Variants in PTPRN2 observed in about 807,000 individuals in gnomAD.
The protein encoded by PTPRN2 is receptor-type tyrosine-protein phosphatase N2.
In PTPRN2, 74 loss-of-function variants were observed where a neutral mutation model predicts 118.8. The ratio of observed to expected loss-of-function variants is 0.62; its 90% confidence interval spans 0.52 to 0.76. The LOEUF (loss-of-function observed/expected upper bound fraction) is 0.76. PTPRN2 is among the 30% of genes least tolerant of loss of function. The pLI, the probability that PTPRN2 is intolerant of heterozygous loss-of-function variation, is 0.00. For synonymous variants in PTPRN2, 641 were observed against 608.0 expected, an observed-to-expected ratio of 1.05 and a Z score of -0.80; for missense variants, 1,481 against 1,394.4, an observed-to-expected ratio of 1.06 and a Z score of -0.99.
At chr7:157,920,495 GTCC>G (rs1162192062) in intron 11 of PTPRN2, among the ~76,000 whole-genome samples, 1 of 152,192 alleles carries the variant, frequency 6.6e-6, no homozygotes, top group African/African-American at 2.4e-5. Context: ...TTGTCTGAAC[GTCC>G]TGCCTGCTTC....
At chr7:158,151,460 A>C (rs71544541) in intron 6 of PTPRN2, among the ~76,000 whole-genome samples, 3 of 115,084 alleles carry the variant, frequency 2.6e-5, no homozygotes, top group Non-Finnish European at 1.8e-5. Context: ...TGCCCACACC[A>C]CCCGCCTTTC....
rs558104862 is a variant in PTPRN2 at position 158,474,310 on chromosome 7, G to GT, written c.163+15424dup. ...CCCCAGGACCTCTGGAAAACACTGC[G>GT]TGTAACTGGCACCCCGAGTCAACTT... On this transcript the variant is annotated intron_variant, in intron 2 of 22. Coordinates refer to ENST00000389418, the MANE Select transcript of PTPRN2 (RefSeq NM_002847.5). 4.3e-4 allele frequency among the ~76,000 whole-genome samples: 65 copies of GT among 152,358 alleles called. No homozygotes were observed. In the East Asian group the frequency reaches 8.3e-3, roughly 19 times the overall value.
intron 3 of PTPRN2, among the ~76,000 whole-genome samples, chr7:158,304,997 GGGC>G (rs1383530670): frequency 1.3e-5 from 2 of 152,174 alleles, no homozygotes; most frequent in Non-Finnish European, 2.9e-5. Context: ...ATTTCTTTCA[GGGC>G]CTGCAATCTG....
rs370449907 is a variant in PTPRN2 at position 157,611,674 on chromosome 7, C to A, written c.2345-7599G>T. Among the ~76,000 whole-genome samples, 101 of 152,208 alleles carry A rather than the reference C, an allele frequency of 6.6e-4. No individual in the cohort carries two copies. The highest frequency in any genetic ancestry group is 8.8e-4 in the Non-Finnish European group (60 of 68,020). ...CTGTTAGGAAGAAGGACTCTGCACA[C>A]CCACACGGGAGGGAGAGCGCCCGTG... On this transcript the variant is annotated intron_variant, in intron 15 of 22. Coordinates refer to ENST00000389418, the MANE Select transcript of PTPRN2 (RefSeq NM_002847.5). This position sits in a 1 kb window ranked among gnomAD's most constrained non-coding sequence, Gnocchi z 5.9.
rs1801813414 is a variant in PTPRN2, at chr7:157,964,928, G to T, written c.1724-66191C>A. Among the ~76,000 whole-genome samples, 1 of 152,240 alleles carries T rather than the reference G, an allele frequency of 6.6e-6. No individual in the cohort carries two copies. Among genetic ancestry groups the T allele is most frequent in the Non-Finnish European group, 1.5e-5 (1 of 68,038 alleles). ...TCAGTTGGGCCATGGTATAATTTATGTTCAACAGAGACCTTTGGGAGTGAG... is the reference window on the plus strand; with the variant it reads ...TCAGTTGGGCCATGGTATAATTTATTTTCAACAGAGACCTTTGGGAGTGAG... On this transcript the variant is annotated intron_variant, in intron 11 of 22. Coordinates refer to ENST00000389418, the MANE Select transcript of PTPRN2 (RefSeq NM_002847.5). The surrounding 1 kb of genome is among the most constrained non-coding windows in gnomAD (Gnocchi z 9.0).
chr7:157,765,110 C>T (rs749863465), intron 12 of PTPRN2, among the ~76,000 whole-genome samples: 2 of 149,562 alleles, frequency 1.3e-5, no homozygotes, highest in Non-Finnish European at 3.0e-5. Context: ...CCCATCCTTC[C>T]CCCATCCATC....
chr7:158,371,230 CCTTT>C (rs760740241), intron 2 of PTPRN2, among the ~76,000 whole-genome samples: 47 of 151,620 alleles, frequency 3.1e-4, no homozygotes, highest in Non-Finnish European at 5.6e-4. Flanking sequence ...TCAAGTAAAA[CCTTT>C]TTTTGGTAGG....
intron 12 of PTPRN2, among the ~76,000 whole-genome samples, chr7:157,884,105 C>T (rs1431358147): frequency 6.0e-3 from 877 of 145,846 alleles, no homozygotes; most frequent in African/African-American, 0.022. Context: ...AAATGCCTGT[C>T]AGAGACCAGA....
intron 2 of PTPRN2, among the ~76,000 whole-genome samples, chr7:158,366,694 T>C (rs1809556028): frequency 6.6e-6 from 1 of 152,146 alleles, no homozygotes; most frequent in South Asian, 2.1e-4. Context: ...TTGCTGGGAC[T>C]TGTCCTAAGG....
intron 2 of PTPRN2, among the ~76,000 whole-genome samples, chr7:158,320,838 G>A (rs1249955239): frequency 6.6e-6 from 1 of 152,128 alleles, no homozygotes; most frequent in Non-Finnish European, 1.5e-5. Flanking sequence ...GCCCAGGTTC[G>A]CTGCTACCTG....
At chr7:158,133,627 G>A in intron 9 of PTPRN2, 50 bp downstream of exon 9, 1 of 1,514,180 alleles carries the variant, frequency 6.6e-7, no homozygotes, top group Non-Finnish European at 8.8e-7. Flanking sequence ...CAGCCTGCTG[G>A]GACAAGCCCT....
Position 158,333,490 on chromosome 7 carries a change from G to T in PTPRN2, c.164-16558C>A, listed in dbSNP as rs374191512. ...CTCTCTCCATAAGAGGTGACACCTG[G>T]AGACGTCACTCACACCCACACTCTC... On this transcript the variant is annotated intron_variant, in intron 2 of 22. Coordinates refer to ENST00000389418, the MANE Select transcript of PTPRN2 (RefSeq NM_002847.5). 1.6e-3 allele frequency among the ~76,000 whole-genome samples: 107 copies of T among 66,622 alleles called. 1 individual carries two copies. Among genetic ancestry groups the T allele is most frequent in the African/African-American group, 7.7e-3 (97 of 12,578 alleles). The allele number at this position is 66,622 out of a possible 152,430, so 43.7% of individuals were successfully genotyped here.
At chr7:158,028,582 AACCG>A (rs1365776217) in intron 11 of PTPRN2, 1 of 152,344 alleles carries the variant, frequency 6.6e-6, no homozygotes, top group Non-Finnish European at 1.5e-5. Flanking sequence ...TCCACTAACC[AACCG>A]ACGCAGCCCA....
intron 2 of PTPRN2, among the ~76,000 whole-genome samples, chr7:158,420,733 A>G (rs1296183181): frequency 6.6e-6 from 1 of 152,142 alleles, no homozygotes; most frequent in African/African-American, 2.4e-5. Flanking sequence ...TGGGCTTCCC[A>G]GAAGATAATC....
rs753377084 is a variant in PTPRN2 at position 157,576,605 on chromosome 7, C to G, written c.2783+8G>C. On this transcript the variant is annotated splice_region_variant and intron_variant, in intron 19 of 22. Coordinates refer to ENST00000389418, the MANE Select transcript of PTPRN2 (RefSeq NM_002847.5). ...CGCACTGCCCTGCCGGCGGGCCGCG[C>G]GTCATACCTGCGGAAGTCCAGGAGG... The G allele has an allele frequency of 1.9e-6, 3 of 1,605,428 alleles. No homozygotes were observed. Among genetic ancestry groups the G allele is most frequent in the Non-Finnish European group, 2.6e-6 (3 of 1,175,230 alleles).
intron 12 of PTPRN2, among the ~76,000 whole-genome samples, chr7:157,755,176 C>A (rs1295729785): frequency 6.6e-6 from 1 of 152,218 alleles, no homozygotes; most frequent in Non-Finnish European, 1.5e-5. Context: ...TGAGCCACCA[C>A]ACCCAGACAA....
intron 12 of PTPRN2, among the ~76,000 whole-genome samples, chr7:157,768,799 T>C (rs1802633464): frequency 6.6e-6 from 1 of 152,188 alleles, no homozygotes; most frequent in Non-Finnish European, 1.5e-5. Context: ...TGTCTTTCTT[T>C]AGAAAATAAG....
At chr7:158,134,416 C>T (rs1818637522) in intron 8 of PTPRN2, among the ~76,000 whole-genome samples, 1 of 152,086 alleles carries the variant, frequency 6.6e-6, no homozygotes, top group Admixed American at 6.5e-5. Flanking sequence ...AAGATCCCAC[C>T]CCAGCCCTCT....
chr7:157,765,328 A>G (rs115538759), intron 12 of PTPRN2, among the ~76,000 whole-genome samples: 2,807 of 147,882 alleles, frequency 0.019, 90 homozygotes, highest in African/African-American at 0.065. Flanking sequence ...CCATCCCTCC[A>G]TCATCCATCC....
Sources: allele counts gnomAD v4.1 joint callset (sites outside exome capture counted in the v4.1 genomes callset), GRCh38; gene constraint gnomAD v4.1.1; non-coding constraint Gnocchi (gnomAD v3.1); transcripts MANE v1.5; gene names NCBI Gene and HGNC (gene_info 2026-07-23, HGNC 2026-07-21).